IFTAP: variants seen among roughly 807,000 people sequenced by gnomAD.
IFTAP encodes intraflagellar transport-associated protein.
Under a neutral mutation model 19.4 loss-of-function variants are expected in IFTAP, and 19 were observed. That is an observed-to-expected ratio of 0.98 (90% CI 0.68 to 1.44). IFTAP has a LOEUF of 1.44. IFTAP is among the 40% of genes most tolerant of loss of function. IFTAP has a pLI of 0.00. For missense variants in IFTAP, 240 were observed against 253.6 expected (o/e 0.95, Z 0.36); for synonymous variants, 85 against 83.5 (o/e 1.02, Z -0.10).
At chr11:36,624,055 A>G (rs1852412131) in intron 2 of IFTAP, among the ~76,000 whole-genome samples, 1 of 152,158 alleles carries the variant, frequency 6.6e-6, no homozygotes, top group Admixed American at 6.6e-5. Context: ...TTAAAAAGGA[A>G]GAAGATGCAT....
chr11:36,623,217 C>A (rs181043560), intron 2 of IFTAP, among the ~76,000 whole-genome samples: 19 of 152,068 alleles, frequency 1.2e-4, no homozygotes, highest in African/African-American at 4.3e-4. Context: ...ACTTTCAGAC[C>A]AGCTTTGAGA....
At chr11:36,631,539 TACA>T (rs1852725179) in intron 2 of IFTAP, among the ~76,000 whole-genome samples, 1 of 151,210 alleles carries the variant, frequency 6.6e-6, no homozygotes, top group South Asian at 2.1e-4. Context: ...CTGTGATCAT[TACA>T]ACAACATGAA....
At chr11:36,647,724 G>A (rs1345960977) in intron 4 of IFTAP, among the ~76,000 whole-genome samples, 1 of 152,056 alleles carries the variant, frequency 6.6e-6, no homozygotes, top group Middle Eastern at 3.2e-3. Context: ...TAGAAATTGA[G>A]TTGAGAATAA....
intron 1 of IFTAP, among the ~76,000 whole-genome samples, chr11:36,596,215 T>TTG (rs1851230777): frequency 7.3e-6 from 1 of 137,632 alleles, no homozygotes; most frequent in Non-Finnish European, 1.5e-5. Context: ...GGTAGTGTTT[T>TTG]TTTTTTGTTT....
rs1851828909 is a variant in IFTAP at position 36,610,183 on chromosome 11, G to T, written c.80G>T (p.Cys27Phe). 1.9e-6 allele frequency: 3 copies of T among 1,610,636 alleles called. No individual in the cohort carries two copies. The highest frequency in any genetic ancestry group is 3.3e-5 in the Admixed American group (2 of 59,918). The change falls in exon 2 of 6, where the codon TGT becomes TTT. Residue 27 changes from cysteine to phenylalanine, a missense_variant. Cys to Phe is a radical substitution (Grantham distance 205, BLOSUM62 -2). Transcript: ENST00000334307. The stretch of plus-strand genomic sequence containing the variant: ...GACGTCTTGGATAAATTCCTTAATT[G>T]TCATGAGCAAACATATGATGAAGAA... ...IKDVLDKFLN[C>F]HEQTYDEEFL...
rs868516312 is a variant in IFTAP, at chr11:36,614,090, C to T, written c.136+3851C>T. Among the ~76,000 whole-genome samples the T allele has an allele frequency of 4.6e-5, 7 of 151,018 alleles. No individual in the cohort carries two copies. In the Middle Eastern group the frequency reaches 0.014, roughly 296 times the overall value. The stretch of plus-strand genomic sequence containing the variant: ...ACCCTCCCCCAACCCCACCACAGTC[C>T]CCAGAGTGTGATATTCCCCTTCCTG... On this transcript the variant is annotated intron_variant, in intron 2 of 5. Coordinates refer to ENST00000334307, the MANE Select transcript of IFTAP (RefSeq NM_138787.4).
chr11:36,598,276 T>G (rs1851364516), intron 1 of IFTAP: 1 of 152,102 alleles, frequency 6.6e-6, no homozygotes, highest in Non-Finnish European at 1.5e-5. Flanking sequence ...AACACTGATC[T>G]AATGGGAGTA....
chr11:36,595,464 A>G (rs1470654978), intron 1 of IFTAP, among the ~76,000 whole-genome samples: 1 of 152,234 alleles, frequency 6.6e-6, no homozygotes, highest in East Asian at 1.9e-4. Flanking sequence ...TGTTAAAGGA[A>G]ACAAAACATA....
At chr11:36,596,774 A>G (rs1418883983) in intron 1 of IFTAP, among the ~76,000 whole-genome samples, 1 of 152,222 alleles carries the variant, frequency 6.6e-6, no homozygotes, top group Non-Finnish European at 1.5e-5. Context: ...TTTCAAGAAC[A>G]GTTGTTTTAA....
intron 2 of IFTAP, among the ~76,000 whole-genome samples, chr11:36,632,282 C>G (rs556265316): frequency 6.6e-6 from 1 of 150,998 alleles, no homozygotes; most frequent in East Asian, 1.9e-4. Context: ...AATATTATTA[C>G]TAATATTAAA....
At position 36,635,833 on chromosome 11, in the gene IFTAP, T is replaced by A. The variant is rs74980818; in HGVS notation, c.292-218T>A. 4.1e-3 allele frequency among the ~76,000 whole-genome samples: 631 copies of A among 152,314 alleles called. 5 individuals are homozygous for A. The highest frequency in any genetic ancestry group is 6.1e-3 in the Non-Finnish European group (412 of 68,022). On this transcript the variant is annotated intron_variant, in intron 3 of 5. Transcript: ENST00000334307. ...AGTGCAGAGGCCTGACTATGGTGCC[T>A]ACAAAATCCAGGCCAGCTTTCAAAT...
chr11:36,606,127 T>C (rs1851683283), intron 1 of IFTAP, among the ~76,000 whole-genome samples: 1 of 152,220 alleles, frequency 6.6e-6, no homozygotes, highest in Non-Finnish European at 1.5e-5. Flanking sequence ...TCTTCAATAA[T>C]GACAGTTTGT....
chr11:36,595,951 T>A (rs1851211606), intron 1 of IFTAP, among the ~76,000 whole-genome samples: 1 of 152,182 alleles, frequency 6.6e-6, no homozygotes, highest in Non-Finnish European at 1.5e-5. Flanking sequence ...TGGTAGTAGT[T>A]AATTTATTAA....
intron 4 of IFTAP, among the ~76,000 whole-genome samples, chr11:36,643,786 G>T (rs1853340184): frequency 6.6e-6 from 1 of 152,146 alleles, no homozygotes; most frequent in South Asian, 2.1e-4. Flanking sequence ...GGGAAAACTG[G>T]CTAGCCATAT....
intron 4 of IFTAP, among the ~76,000 whole-genome samples, chr11:36,646,711 T>C (rs1853500971): frequency 6.6e-6 from 1 of 152,192 alleles, no homozygotes; most frequent in Non-Finnish European, 1.5e-5. Flanking sequence ...CTGCCGTTTT[T>C]AGCTGTGGGA....
At chr11:36,626,170 G>C (rs1852503044) in intron 2 of IFTAP, among the ~76,000 whole-genome samples, 1 of 151,226 alleles carries the variant, frequency 6.6e-6, no homozygotes, top group Admixed American at 6.6e-5. Flanking sequence ...CCATGGAAAT[G>C]CTGGTTCAAA....
intron 2 of IFTAP, among the ~76,000 whole-genome samples, chr11:36,620,048 AAATT>A (rs1468895740): frequency 1.3e-5 from 2 of 152,046 alleles, no homozygotes; most frequent in East Asian, 1.9e-4. Flanking sequence ...GCAATTAAAA[AAATT>A]AATTAATCTT....
intron 4 of IFTAP, 112 bp from the exon 5 acceptor site, chr11:36,647,904 T>A (rs1207554902): frequency 7.9e-7 from 1 of 1,266,224 alleles, no homozygotes; most frequent in Non-Finnish European, 1.1e-6. Context: ...GAAATGGATC[T>A]ACATTACATG....
intron 2 of IFTAP, among the ~76,000 whole-genome samples, chr11:36,631,025 A>T (rs1852705920): frequency 6.6e-6 from 1 of 151,436 alleles, no homozygotes; most frequent in Non-Finnish European, 1.5e-5. Flanking sequence ...TGGCCGTAAA[A>T]GTGGAAGAAG....
Sources: gnomAD v4.1 joint callset for allele counts (sites outside exome capture counted in the v4.1 genomes callset) on GRCh38, gnomAD v4.1.1 for gene constraint, MANE v1.5 for transcripts, NCBI Gene and HGNC (gene_info 2026-07-23, HGNC 2026-07-21) for gene names.